The following PCDHGA8 variants were observed in gnomAD, a reference collection of about 807,000 sequenced individuals.
The protein encoded by PCDHGA8 is protocadherin gamma subfamily A, 8, also known as protocadherin gamma-A8.
Under a neutral mutation model 59.2 loss-of-function variants are expected in PCDHGA8, and 45 were observed. That is an observed-to-expected ratio of 0.76 (90% CI 0.60 to 0.98). The LOEUF (loss-of-function observed/expected upper bound fraction) is 0.98, where lower values mean the gene tolerates loss of function less well. Among genes scored for constraint, PCDHGA8 ranks in the 50% least tolerant of loss-of-function variants. The pLI, the probability that PCDHGA8 is intolerant of heterozygous loss-of-function variation, is 0.00. For synonymous variants in PCDHGA8, 531 were observed against 519.0 expected (o/e 1.02, Z -0.32); for missense variants, 1,257 against 1,196.2 (o/e 1.05, Z -0.75).
rs1561858566 is a variant in PCDHGA8 at position 141,432,177 on chromosome 5, C to G, written c.2424+36940C>G. ...AATCCCAGAGGAGTTTCCCTCGTCTCTGTGACCGCCCACGACCCCGACTGT... is the reference window on the plus strand; with the variant it reads ...AATCCCAGAGGAGTTTCCCTCGTCTGTGTGACCGCCCACGACCCCGACTGT... On this transcript the variant is annotated intron_variant, in intron 1 of 3. Transcript: ENST00000398604. This position sits in a 1 kb window ranked among gnomAD's most constrained non-coding sequence, Gnocchi z 6.0. The G allele has an allele frequency of 6.2e-7, 1 of 1,614,220 alleles. No homozygotes were observed. Among genetic ancestry groups the G allele is most frequent in the Admixed American group, 1.7e-5 (1 of 60,032 alleles).
chr5:141,487,802 C>T lies in PCDHGA8; in HGVS notation c.2425-7005C>T, dbSNP rs765438219. The T allele has an allele frequency of 9.5e-6, 14 of 1,477,306 alleles. No individual in the cohort carries two copies. The South Asian group carries it at 1.7e-4, about 18-fold the overall frequency. 91.5% of individuals were successfully genotyped at this position (1,477,306 alleles called of 1,614,324 possible). A position where few individuals can be genotyped will look rare whatever the true frequency, so the allele number is the denominator to read the frequency against. ...TTTCGTGAATTAACCAGAGTTGTCACAGTTTAGCATTGGGGGCGGGTCATG... is the reference window on the plus strand; with the variant it reads ...TTTCGTGAATTAACCAGAGTTGTCATAGTTTAGCATTGGGGGCGGGTCATG... On this transcript the variant is annotated intron_variant, in intron 1 of 3. Transcript: ENST00000398604. The surrounding 1 kb of genome is among the most constrained non-coding windows in gnomAD (Gnocchi z 5.0).
At chr5:141,458,615 G>A (rs2098949624) in intron 1 of PCDHGA8, among the ~76,000 whole-genome samples, 1 of 152,088 alleles carries the variant, frequency 6.6e-6, no homozygotes, top group Admixed American at 6.6e-5. Flanking sequence ...TGTCAGCCAG[G>A]CTGGAGTGCA....
chr5:141,462,911 T>C (rs1263378930), intron 1 of PCDHGA8, among the ~76,000 whole-genome samples: 1 of 152,248 alleles, frequency 6.6e-6, no homozygotes, highest in Non-Finnish European at 1.5e-5. Flanking sequence ...ATTATGTTTT[T>C]TGCAGATCAG....
intron 1 of PCDHGA8, chr5:141,441,834 C>T (rs370689467): frequency 2.6e-5 from 9 of 352,638 alleles, no homozygotes; most frequent in Non-Finnish European, 3.9e-5. Flanking sequence ...GCAATGGCTT[C>T]GCGCTCTTGG....
intron 1 of PCDHGA8, among the ~76,000 whole-genome samples, chr5:141,401,638 TA>T (rs2094176765): frequency 1.3e-5 from 2 of 152,242 alleles, no homozygotes; most frequent in South Asian, 4.1e-4. Context: ...TTTGGAGCTT[TA>T]AATATAAATG....
rs2233610 is a variant in PCDHGA8, at chr5:141,505,535, G to A, written c.2572+54G>A. ...AGTGGGAGACCTGGGGTTCTGGGGT[G>A]CATCTCACAGCCACCATGCCCACGG... is the stretch of plus-strand genomic sequence containing the variant. On this transcript the variant is annotated intron_variant, in intron 3 of 3. Transcript: ENST00000398604. 12 of 1,610,344 alleles carry A rather than the reference G, an allele frequency of 7.5e-6. No individual in the cohort carries two copies. The East Asian group carries it at 1.8e-4, about 24-fold the overall frequency.
intron 1 of PCDHGA8, among the ~76,000 whole-genome samples, chr5:141,406,450 G>T (rs2094811564): frequency 6.6e-6 from 1 of 152,194 alleles, no homozygotes; most frequent in South Asian, 2.1e-4. Flanking sequence ...CCATTTCTAT[G>T]ACAGGAAAAC....
intron 1 of PCDHGA8, chr5:141,422,687 T>C: frequency 6.2e-7 from 1 of 1,604,936 alleles, no homozygotes; most frequent in Non-Finnish European, 8.5e-7. Flanking sequence ...CAGAATGCCC[T>C]GGTCACTTAC....
chr5:141,484,940 G>C, intron 1 of PCDHGA8: 1 of 541,138 alleles, frequency 1.8e-6, no homozygotes, highest in Non-Finnish European at 3.3e-6. Flanking sequence ...GACGTTCTCT[G>C]CTCAGCCTAT....
intron 1 of PCDHGA8, chr5:141,413,266 GGA>G: frequency 6.2e-7 from 1 of 1,613,962 alleles, no homozygotes; most frequent in South Asian, 1.1e-5. Context: ...ATGGGAGGCT[GGA>G]GCCCGGCAGA....
At chr5:141,448,139 C>A (rs1486636157) in intron 1 of PCDHGA8, among the ~76,000 whole-genome samples, 1 of 151,884 alleles carries the variant, frequency 6.6e-6, no homozygotes, top group African/African-American at 2.4e-5. Context: ...CCTCACTATA[C>A]CTCAGACTCA....
At chr5:141,465,141 A>AT (rs1341872532) in intron 1 of PCDHGA8, among the ~76,000 whole-genome samples, 2 of 151,678 alleles carry the variant, frequency 1.3e-5, no homozygotes, top group Non-Finnish European at 2.9e-5. Flanking sequence ...AGTTTAGGGG[A>AT]TATATGAAGG....
rs1449032006 is a variant in PCDHGA8 at position 141,438,617 on chromosome 5, TATATATATATATATATATAC to T, written c.2424+43382_2424+43401del. 2.9e-3 allele frequency among the ~76,000 whole-genome samples: 107 copies of T among 37,156 alleles called. 1 individual carries two copies. Among genetic ancestry groups the T allele is most frequent in the South Asian group, 0.015 (15 of 996 alleles). 24.4% of individuals were successfully genotyped at this position (37,156 alleles called of 152,430 possible). On this transcript the variant is annotated intron_variant, in intron 1 of 3. Transcript: ENST00000398604. Reference sequence around the variant, plus strand: ...ATATATATATATATATATATATATATATATATATATATATATATACACACACACACACACATATATGTATA... The same window carrying T: ...ATATATATATATATATATATATATATACACACACACACACATATATGTATA...
At chr5:141,468,783 G>T (rs908838744) in intron 1 of PCDHGA8, among the ~76,000 whole-genome samples, 5 of 151,346 alleles carry the variant, frequency 3.3e-5, no homozygotes, top group East Asian at 2.0e-4. Flanking sequence ...GGAGAATGGC[G>T]TGAACCCGGG....
chr5:141,489,178 C>T lies in PCDHGA8; in HGVS notation c.2425-5629C>T, dbSNP rs909255357. ...GAGACTTCAGCTGCTGCATTCCAAG[C>T]CCTGGGTCTACCTTGGAGACAGGAC... On this transcript the variant is annotated intron_variant, in intron 1 of 3. Transcript: ENST00000398604. This position sits in a 1 kb window ranked among gnomAD's most constrained non-coding sequence, Gnocchi z 4.5. 54 of 1,234,872 alleles carry T rather than the reference C, an allele frequency of 4.4e-5. 1 individual carries two copies. In the East Asian group the frequency reaches 1.2e-3, roughly 29 times the overall value. 76.5% of individuals were successfully genotyped at this position (1,234,872 alleles called of 1,614,324 possible). A position where few individuals can be genotyped will look rare whatever the true frequency, so the allele number is the denominator to read the frequency against.
chr5:141,484,334 A>G (rs988395353), intron 1 of PCDHGA8, among the ~76,000 whole-genome samples: 3 of 152,192 alleles, frequency 2.0e-5, no homozygotes, highest in East Asian at 1.9e-4. Context: ...CTTGAAATCA[A>G]TGAATGGTAA....
At chr5:141,437,529 C>T (rs1205365959) in intron 1 of PCDHGA8, among the ~76,000 whole-genome samples, 1 of 152,102 alleles carries the variant, frequency 6.6e-6, no homozygotes, top group African/African-American at 2.4e-5. Flanking sequence ...GACAAATGAG[C>T]AAATTGTATC....
Position 141,491,717 on chromosome 5 carries a change from C to A in PCDHGA8, c.2425-3090C>A. ...CGGAGCCAGGTGAGGGGCTCGGCGC[C>A]GCCCCGGGCGACCCCTGGGGGCGGC... On this transcript the variant is annotated intron_variant, in intron 1 of 3. Coordinates refer to ENST00000398604, the MANE Select transcript of PCDHGA8 (RefSeq NM_032088.2). The surrounding 1 kb of genome is among the most constrained non-coding windows in gnomAD (Gnocchi z 6.9). 1 of 1,607,940 alleles carries A rather than the reference C, an allele frequency of 6.2e-7. No individual in the cohort carries two copies. Among genetic ancestry groups the A allele is most frequent in the Middle Eastern group, 1.7e-4 (1 of 6,010 alleles).
chr5:141,480,217 G>A (rs1443825272), intron 1 of PCDHGA8, among the ~76,000 whole-genome samples: 2 of 147,950 alleles, frequency 1.4e-5, no homozygotes, highest in Non-Finnish European at 3.0e-5. Context: ...CAGCCTGAGC[G>A]ACATAGTGAG....
Sources: allele counts gnomAD v4.1 joint callset (sites outside exome capture counted in the v4.1 genomes callset), GRCh38; gene constraint gnomAD v4.1.1; non-coding constraint Gnocchi (gnomAD v3.1); transcripts MANE v1.5; gene names NCBI Gene and HGNC (gene_info 2026-07-23, HGNC 2026-07-21).